Variants in ZFHX3 observed in about 807,000 individuals in gnomAD.
The protein encoded by ZFHX3 is zinc finger homeobox 3.
In ZFHX3, 42 loss-of-function variants were observed where a neutral mutation model predicts 279.1. The ratio of observed to expected loss-of-function variants is 0.15; its 90% CI spans 0.12 to 0.19. The LOEUF is 0.19. Among genes scored for constraint, ZFHX3 ranks in the 10% least tolerant of loss-of-function variants. The pLI, the probability that ZFHX3 is intolerant of heterozygous loss-of-function variation, is 1.00. For missense variants in ZFHX3, 4,981 were observed against 4,754.0 expected, an observed-to-expected ratio of 1.05 and a Z score of -1.40; for synonymous variants, 2,293 against 1,957.8, an observed-to-expected ratio of 1.17 and a Z score of -4.52.
Position 72,796,708 on chromosome 16 carries a change from A to G in ZFHX3, c.5974T>C (p.Phe1992Leu). Reference sequence around the variant, plus strand: ...CTCTTTAAAATCAAGATGTTGGAAAACAACTTGCCGCAGGAGTCACACTCG... The same window carrying G: ...CTCTTTAAAATCAAGATGTTGGAAAGCAACTTGCCGCAGGAGTCACACTCG... ...KLECDSCGKL[F>L]SNILILKSHQ... Residue 1992 changes from phenylalanine (F) to leucine (L), a missense_variant, in exon 9 of 10, where the codon TTT (phenylalanine) becomes CTT (leucine). By Grantham distance (22) the Phe-to-Leu change is conservative. This residue lies in a region of ZFHX3 where 1,751 missense variants were observed against 1,770.0 expected (regional missense o/e 0.99). Transcript: ENST00000268489. 6.2e-7 allele frequency: 1 copy of G among 1,613,846 alleles called. No individual in the cohort carries two copies. The highest frequency in any genetic ancestry group is 8.5e-7 in the Non-Finnish European group (1 of 1,179,976).
At position 72,796,722 on chromosome 16, in the gene ZFHX3, G is replaced by C. The variant is rs2143438397; in HGVS notation, c.5960C>G (p.Ser1987Cys). 1 of 1,613,866 alleles carries C rather than the reference G, an allele frequency of 6.2e-7. No individual in the cohort carries two copies. Among genetic ancestry groups the C allele is most frequent in the Admixed American group, 1.7e-5 (1 of 59,982 alleles). ...GATGTTGGAAAACAACTTGCCGCAG[G>C]AGTCACACTCGAGCTTTTCCAGGTT... Reference protein sequence around the residue: ...GENLEKLECDSCGKLFSNILI... With the variant: ...GENLEKLECDCCGKLFSNILI... Residue 1987 changes from serine (S) to cysteine (C), a missense_variant, in exon 9 of 10, where the codon TCC becomes TGC. Physicochemically the swap from Ser to Cys is moderately radical, Grantham distance 112 (BLOSUM62 -1). This residue lies in a region of ZFHX3 where 1,751 missense variants were observed against 1,770.0 expected (regional missense o/e 0.99). Coordinates refer to ENST00000268489, the MANE Select transcript of ZFHX3 (RefSeq NM_006885.4).
At chr16:72,882,298 G>A (rs1255113503) in intron 4 of ZFHX3, among the ~76,000 whole-genome samples, 2 of 151,664 alleles carry the variant, frequency 1.3e-5, no homozygotes, top group Non-Finnish European at 2.9e-5. Flanking sequence ...AGATAGCATG[G>A]AAGACAGCCT....
chr16:72,843,874 A>C lies in ZFHX3; in HGVS notation c.3449-14015T>G, dbSNP rs1331731426. On this transcript the variant is annotated intron_variant, in intron 4 of 9. Transcript: ENST00000268489. ...AACCAAAGCAAACCCCACGATACAC[A>C]AAACAAAACCAGCCAATCCTGTTTC... is the stretch of plus-strand genomic sequence containing the variant. Among the ~76,000 whole-genome samples, 6 of 152,348 alleles carry C rather than the reference A, an allele frequency of 3.9e-5. No homozygotes were observed. The South Asian group carries it at 6.2e-4, about 16-fold the overall frequency.
rs537240557 is a variant in ZFHX3 at position 72,959,822 on chromosome 16, C to T, written c.324G>A (p.Leu108=). 4.4e-6 allele frequency: 7 copies of T among 1,594,812 alleles called. No individual in the cohort carries two copies. In the African/African-American group the frequency reaches 5.4e-5, roughly 12 times the overall value. ...CGGTGTCGCTGGCGCTCTCCTCTCTCAGGGGTGGCGGGGGGCGCGCGCTGG... is the reference window on the plus strand; with the variant it reads ...CGGTGTCGCTGGCGCTCTCCTCTCTTAGGGGTGGCGGGGGGCGCGCGCTGG... The part of the protein sequence containing the change: ...HCPSARPPPP[L]REESASDTGE... The change falls in exon 2 of 10, where the codon CTG becomes CTA. Residue 108 remains leucine, a synonymous_variant. Coordinates refer to ENST00000268489, the MANE Select transcript of ZFHX3 (RefSeq NM_006885.4).
At position 72,788,429 on chromosome 16, in the gene ZFHX3, C is replaced by T. The variant is rs199987777; in HGVS notation, c.9847G>A (p.Val3283Ile). Reference sequence around the variant, plus strand: ...AGGGCCTGCAGCTGTGCAGGGTCTACCGCATACTCCATGGTGGGCAGCGGG... The same window carrying T: ...AGGGCCTGCAGCTGTGCAGGGTCTATCGCATACTCCATGGTGGGCAGCGGG... ...SAPLPTMEYA[V>I]DPAQLQALQA... The change falls in exon 10 of 10, where the codon GTA becomes ATA. Residue 3283 changes from valine (V) to isoleucine (I), a missense_variant. Val to Ile is a conservative substitution (Grantham distance 29). This residue lies in a region of ZFHX3 where 1,034 missense variants were observed against 786.0 expected (regional missense o/e 1.32). Transcript: ENST00000268489. 75 of 1,614,126 alleles carry T rather than the reference C, an allele frequency of 4.6e-5. No individual in the cohort carries two copies. Among genetic ancestry groups the T allele is most frequent in the Middle Eastern group, 1.6e-4 (1 of 6,084 alleles).
chr16:73,290,429 T>C (rs890848122), intron 4 of ZFHX3, among the ~76,000 whole-genome samples: 1 of 152,158 alleles, frequency 6.6e-6, no homozygotes, highest in Non-Finnish European at 1.5e-5. Flanking sequence ...GAAGAGCCTG[T>C]GCAAAGGCCC....
At chr16:73,057,871 G>GCCGCGGCAGCAGCAGTGGCTGCGA (rs1567653821) in intron 1 of ZFHX3, among the ~76,000 whole-genome samples, 1 of 149,860 alleles carries the variant, frequency 6.7e-6, no homozygotes, top group Non-Finnish European at 1.5e-5. Context: ...AGCGGTGGCG[G>GCCGCGGCAGCAGCAGTGGCTGCGA]CCGCGGCAGC....
At chr16:73,640,768 A>G (rs1159911465) in intron 2 of ZFHX3, among the ~76,000 whole-genome samples, 5 of 152,200 alleles carry the variant, frequency 3.3e-5, no homozygotes, top group Non-Finnish European at 2.9e-5. Flanking sequence ...ACCGAGGTAA[A>G]CAAATTATCA....
At chr16:72,836,548 G>A (rs892608932) in intron 4 of ZFHX3, among the ~76,000 whole-genome samples, 2 of 151,876 alleles carry the variant, frequency 1.3e-5, no homozygotes, top group South Asian at 2.1e-4. Context: ...ATCACACATC[G>A]TACACTCAGC....
intron 1 of ZFHX3, among the ~76,000 whole-genome samples, chr16:73,870,618 C>A (rs370255235): frequency 6.6e-6 from 1 of 152,204 alleles, no homozygotes; most frequent in Admixed American, 6.5e-5. Context: ...TGAGAGCACA[C>A]TCCTCTTCCT....
intron 2 of ZFHX3, among the ~76,000 whole-genome samples, chr16:73,510,806 C>T (rs1023966963): frequency 2.0e-5 from 3 of 152,210 alleles, no homozygotes; most frequent in African/African-American, 7.2e-5. Context: ...CTTGCTCTGG[C>T]CAACTTCTCC....
At chr16:73,849,784 G>C (rs1419099961) in intron 1 of ZFHX3, among the ~76,000 whole-genome samples, 1 of 152,224 alleles carries the variant, frequency 6.6e-6, no homozygotes, top group Non-Finnish European at 1.5e-5. Flanking sequence ...CCAGGCTAGA[G>C]TACGATGGCG....
intron 4 of ZFHX3, among the ~76,000 whole-genome samples, chr16:73,261,631 A>T (rs2013826427): frequency 6.8e-6 from 1 of 148,044 alleles, no homozygotes. Context: ...CAATTTGATC[A>T]CTATTCCTTT....
At chr16:73,245,996 A>G (rs1333932350) in intron 5 of ZFHX3, among the ~76,000 whole-genome samples, 3 of 152,048 alleles carry the variant, frequency 2.0e-5, no homozygotes, top group African/African-American at 7.2e-5. Flanking sequence ...GTGCACAGAG[A>G]TTATTCCACA....
At chr16:72,948,659 A>G (rs943296428) in intron 3 of ZFHX3, among the ~76,000 whole-genome samples, 1 of 152,144 alleles carries the variant, frequency 6.6e-6, no homozygotes, top group Non-Finnish European at 1.5e-5. Flanking sequence ...TGCATTTTAG[A>G]GTCTAAAGGG....
intron 3 of ZFHX3, among the ~76,000 whole-genome samples, chr16:73,441,893 C>T (rs1232874990): frequency 6.6e-6 from 1 of 152,284 alleles, no homozygotes; most frequent in Admixed American, 6.5e-5. Context: ...AGCACAAATA[C>T]AAAAAGCCTC....
chr16:73,748,814 T>G (rs938193354), intron 1 of ZFHX3, among the ~76,000 whole-genome samples: 1 of 151,654 alleles, frequency 6.6e-6, no homozygotes, highest in African/African-American at 2.4e-5. Context: ...TGAGACAGAG[T>G]TTTGCTCTTG....
At position 73,633,524 on chromosome 16, in the gene ZFHX3, C is replaced by T. The variant is rs77077141; in HGVS notation, c.-1547+46656G>A. Reference sequence around the variant, plus strand: ...CAATGATCAGGACTTCGAGACTATTCGTAATGTTTTATTTCTTTTGCTGGG... The same window carrying T: ...CAATGATCAGGACTTCGAGACTATTTGTAATGTTTTATTTCTTTTGCTGGG... On this transcript the variant is annotated intron_variant, in intron 2 of 17. Coordinates refer to the ZFHX3 transcript ENST00000641206. Among the ~76,000 whole-genome samples the T allele has an allele frequency of 8.6e-3, 1,302 of 152,220 alleles. 104 individuals carry two copies. In the East Asian group the frequency reaches 0.19, roughly 23 times the overall value.
rs1567550729 is a variant in ZFHX3 at position 73,682,963 on chromosome 16, AAAG to A, written c.-1607-2726_-1607-2724del. Among the ~76,000 whole-genome samples, 89 of 26,116 alleles carry A rather than the reference AAAG, an allele frequency of 3.4e-3. 9 individuals carry two copies. Among genetic ancestry groups the A allele is most frequent in the South Asian group, 0.011 (7 of 640 alleles). 17.1% of individuals were successfully genotyped at this position (26,116 alleles called of 152,430 possible). A position where few individuals can be genotyped will look rare whatever the true frequency, so the allele number is the denominator to read the frequency against. On this transcript the variant is annotated intron_variant, in intron 1 of 17. Coordinates refer to the ZFHX3 transcript ENST00000641206. ...GAAAGAAAGAAAGAAAGAAAGAAAGAAAGAAAGAAAGAAAGAAAGAAAGAAAGA... is the reference window on the plus strand; with the variant it reads ...GAAAGAAAGAAAGAAAGAAAGAAAGAAAAGAAAGAAAGAAAGAAAGAAAGA...
Sources: gnomAD v4.1 joint callset for allele counts (sites outside exome capture counted in the v4.1 genomes callset) on GRCh38, gnomAD v4.1.1 for gene constraint, gnomAD v4.1.1 regional missense constraint, MANE v1.5 for transcripts, NCBI Gene and HGNC (gene_info 2026-07-23, HGNC 2026-07-21) for gene names.